The following DNAH17 variants were observed in gnomAD, a reference collection of about 807,000 sequenced individuals.
DNAH17 encodes the protein dynein axonemal heavy chain 17, also known as axonemal beta dynein heavy chain 17.
Under a neutral mutation model 485.6 loss-of-function variants are expected in DNAH17, and 376 were observed. That is an observed-to-expected ratio of 0.77 (90% CI 0.71 to 0.84). The LOEUF (loss-of-function observed/expected upper bound fraction) is 0.84, where lower values mean the gene tolerates loss of function less well. DNAH17 is among the 40% of genes least tolerant of loss of function. DNAH17 has a pLI of 0.00. For synonymous variants in DNAH17, 3,031 were observed against 2,405.9 expected (o/e 1.26, Z -7.60); for missense variants, 6,370 against 5,839.3 (o/e 1.09, Z -2.96).
At chr17:78,511,838 C>T (rs967221878) in intron 26 of DNAH17, among the ~76,000 whole-genome samples, 2 of 152,238 alleles carry the variant, frequency 1.3e-5, no homozygotes, top group South Asian at 2.1e-4. Context: ...ACCGCCCAAG[C>T]GTCTCTCCCA....
At chr17:78,570,878 A>AAAT in intron 6 of DNAH17, 70 bp downstream of exon 6, 1 of 735,096 alleles carries the variant, frequency 1.4e-6, no homozygotes, top group Non-Finnish European at 2.0e-6. Context: ...AAAAAAAAAA[A>AAAT]GAAAAAAGAA....
At chr17:78,469,013 G>C (rs906007544) in intron 54 of DNAH17, 130 bp from the exon 55 acceptor site, 9 of 1,171,400 alleles carry the variant, frequency 7.7e-6, no homozygotes, top group Middle Eastern at 2.7e-4. Flanking sequence ...GCCCAGGCTG[G>C]AGTGCAATGG....
intron 6 of DNAH17, 72 bp downstream of exon 6, chr17:78,570,876 A>AT: frequency 1.2e-6 from 1 of 803,164 alleles, no homozygotes; most frequent in Non-Finnish European, 1.8e-6. Context: ...AAAAAAAAAA[A>AT]AAGAAAAAAG....
At chr17:78,496,071 G>A in intron 37 of DNAH17, 39 bp from the exon 38 acceptor site, 1 of 1,592,268 alleles carries the variant, frequency 6.3e-7, no homozygotes, top group African/African-American at 1.3e-5. Flanking sequence ...GCATGGAAAT[G>A]GCCAGCTTCC....
chr17:78,537,300 T>A lies in DNAH17; in HGVS notation c.2858A>T (p.Lys953Met). The change falls in exon 19 of 81, where the codon AAG becomes ATG. Residue 953 changes from lysine (K) to methionine (M), a missense_variant and splice_region_variant. Lys to Met is a moderately conservative substitution (Grantham distance 95). Coordinates refer to ENST00000389840, the MANE Select transcript of DNAH17 (RefSeq NM_173628.4). ...CGGCCAGAAGAGGCCAGGACTGACC[T>A]TGTAGTTCATCCTGTCCTTGGCCAG... is the stretch of plus-strand genomic sequence containing the variant. ...PRLAKDRMNY[K>M]MDLEDNTDLI... is the part of the protein sequence containing the mutation. The A allele has an allele frequency of 6.4e-7, 1 of 1,560,494 alleles. No individual in the cohort carries two copies. Among genetic ancestry groups the A allele is most frequent in the Non-Finnish European group, 8.7e-7 (1 of 1,152,382 alleles).
chr17:78,425,263 T>C (rs2146401273), intron 80 of DNAH17, 83 bp downstream of exon 80: 1 of 1,398,780 alleles, frequency 7.1e-7, no homozygotes, highest in East Asian at 2.3e-5. Context: ...ACAGCCTGTC[T>C]TTGCCAAGAG....
chr17:78,539,787 G>T lies in DNAH17; in HGVS notation c.2626C>A (p.Gln876Lys), dbSNP rs770949822. 3.7e-6 allele frequency: 6 copies of T among 1,611,704 alleles called. No homozygotes were observed. Among genetic ancestry groups the T allele is most frequent in the Non-Finnish European group, 5.1e-6 (6 of 1,179,500 alleles). The change falls in exon 18 of 81, where the codon CAG becomes AAG. Residue 876 changes from glutamine to lysine, a missense_variant. Gln to Lys is a moderately conservative substitution (Grantham distance 53). Transcript: ENST00000389840. ...IDDMVLDEFDQFIRKSLSFLM... is the reference protein window; with the variant it reads ...IDDMVLDEFDKFIRKSLSFLM... ...AAACTCAGAGATTTGCGAATGAACT[G>T]GTCAAATTCATCTAAGACCATGTCG... is the stretch of plus-strand genomic sequence containing the variant.
At chr17:78,545,923 TG>T (rs1393772986) in intron 16 of DNAH17, among the ~76,000 whole-genome samples, 1 of 152,176 alleles carries the variant, frequency 6.6e-6, no homozygotes, top group Non-Finnish European at 1.5e-5. Context: ...TTTATGTGTA[TG>T]TATGTATGCA....
At chr17:78,563,721 G>A (rs1450090284) in intron 11 of DNAH17, among the ~76,000 whole-genome samples, 1 of 152,120 alleles carries the variant, frequency 6.6e-6, no homozygotes, top group Non-Finnish European at 1.5e-5. Context: ...GGCTGTGTGC[G>A]AGTTGCTGAT....
At chr17:78,503,314 G>A (rs547640133) in intron 31 of DNAH17, among the ~76,000 whole-genome samples, 17 of 149,276 alleles carry the variant, frequency 1.1e-4, no homozygotes, top group Admixed American at 2.0e-4. Context: ...CGAGTAGCTG[G>A]GACTACAGGC....
intron 25 of DNAH17, among the ~76,000 whole-genome samples, chr17:78,519,278 A>G (rs1383649268): frequency 1.3e-5 from 2 of 152,118 alleles, no homozygotes; most frequent in African/African-American, 4.8e-5. Flanking sequence ...ACTGAATGTA[A>G]TATCAAAATA....
At position 78,560,701 on chromosome 17, in the gene DNAH17, CAAGGAGCCTTTGACGCGGTCCCCACTCCT is replaced by C; in HGVS notation, c.2031+10_2031+38del. Reference sequence around the variant, plus strand: ...CCTTGGCAGGCCCTCCCCCCGCTCCCAAGGAGCCTTTGACGCGGTCCCCACTCCTGGCACCCACCGCTTTGCTGAAGTTG... The same window carrying C: ...CCTTGGCAGGCCCTCCCCCCGCTCCCGGCACCCACCGCTTTGCTGAAGTTG... On this transcript the variant is annotated intron_variant, in intron 13 of 80. Coordinates refer to ENST00000389840, the MANE Select transcript of DNAH17 (RefSeq NM_173628.4). 4.6e-6 allele frequency: 7 copies of C among 1,514,048 alleles called. No homozygotes were observed. The highest frequency in any genetic ancestry group is 6.2e-6 in the Non-Finnish European group (7 of 1,124,640). 93.8% of individuals were successfully genotyped at this position (1,514,048 alleles called of 1,614,324 possible).
At position 78,522,613 on chromosome 17, in the gene DNAH17, G is replaced by A. The variant is rs568161591; in HGVS notation, c.3864+2396C>T. Reference sequence around the variant, plus strand: ...GGCCTGGGTCTGCAACACCCACGCCGACTTCACCCATGAGTGCCCAGGCCA... The same window carrying A: ...GGCCTGGGTCTGCAACACCCACGCCAACTTCACCCATGAGTGCCCAGGCCA... On this transcript the variant is annotated intron_variant, in intron 25 of 80. Transcript: ENST00000389840. The A allele has an allele frequency of 1.8e-4, 47 of 261,714 alleles. No individual in the cohort carries two copies. In the East Asian group the frequency reaches 5.0e-3, roughly 28 times the overall value. 16.2% of individuals were successfully genotyped at this position (261,714 alleles called of 1,614,324 possible). A position where few individuals can be genotyped will look rare whatever the true frequency, so the allele number is the denominator to read the frequency against.
chr17:78,505,270 G>C, intron 31 of DNAH17, 23 bp downstream of exon 31: 3 of 1,613,520 alleles, frequency 1.9e-6, no homozygotes, highest in Non-Finnish European at 2.5e-6. Flanking sequence ...TGGGTTCCCT[G>C]TGTGGTGTGC....
intron 4 of DNAH17, 26 bp downstream of exon 4, chr17:78,571,564 G>A: frequency 6.2e-7 from 1 of 1,612,440 alleles, no homozygotes; most frequent in Non-Finnish European, 8.5e-7. Context: ...CGAGGCTGCA[G>A]CCCCACAGGA....
chr17:78,572,937 C>A (rs765671556), intron 2 of DNAH17, 43 bp from the exon 3 acceptor site: 1 of 1,573,700 alleles, frequency 6.4e-7, no homozygotes, highest in South Asian at 1.2e-5. Context: ...TGTGCCTTCA[C>A]CAGCTCGGCA....
At chr17:78,537,063 A>G (rs960467281) in intron 19 of DNAH17, among the ~76,000 whole-genome samples, 25 of 151,772 alleles carry the variant, frequency 1.6e-4, no homozygotes, top group Non-Finnish European at 7.4e-5. Flanking sequence ...CTGTAATCCC[A>G]GCTACTCGGG....
At position 78,560,805 on chromosome 17, in the gene DNAH17, G is replaced by A; in HGVS notation, c.1966C>T (p.Leu656=). 3 of 1,551,930 alleles carry A rather than the reference G, an allele frequency of 1.9e-6. No individual in the cohort carries two copies. Among genetic ancestry groups the A allele is most frequent in the South Asian group, 1.2e-5 (1 of 84,066 alleles). The change falls in exon 13 of 81, where the codon CTG becomes TTG. Residue 656 remains leucine (L), a synonymous_variant. Coordinates refer to ENST00000389840, the MANE Select transcript of DNAH17 (RefSeq NM_173628.4). ...TCCCGCAGAATCAGCGGCTGCCCCAGGTTAAAGTGGCAGTCCTGGTCCACG... is the reference window on the plus strand; with the variant it reads ...TCCCGCAGAATCAGCGGCTGCCCCAAGTTAAAGTGGCAGTCCTGGTCCACG... ...AGVDQDCHFN[L]GQPLILRDAA... is the part of the protein sequence containing the mutation.
chr17:78,553,955 G>C (rs1170820228), intron 14 of DNAH17, among the ~76,000 whole-genome samples: 3 of 151,996 alleles, frequency 2.0e-5, no homozygotes, highest in African/African-American at 7.3e-5. Flanking sequence ...TCAATCTAAA[G>C]CTCAAAATCT....
Sources: allele counts gnomAD v4.1 joint callset (sites outside exome capture counted in the v4.1 genomes callset), GRCh38; gene constraint gnomAD v4.1.1; transcripts MANE v1.5; gene names NCBI Gene and HGNC (gene_info 2026-07-23, HGNC 2026-07-21).